CREB5: variants seen among roughly 807,000 people sequenced by gnomAD.
CREB5 encodes cyclic AMP-responsive element-binding protein 5.
Under a neutral mutation model 57.1 loss-of-function variants are expected in CREB5, and 19 were observed. The ratio of observed to expected loss-of-function variants is 0.33; its 90% confidence interval spans 0.23 to 0.49. The LOEUF is 0.49. CREB5 is among the 20% of genes least tolerant of loss of function. The pLI is 0.99. For missense variants in CREB5, 579 were observed against 671.6 expected, an observed-to-expected ratio of 0.86 and a Z score of 1.52; for synonymous variants, 238 against 238.3, an observed-to-expected ratio of 1.00 and a Z score of 0.01.
chr7:28,724,628 C>T lies in CREB5; in HGVS notation c.702+296C>T, dbSNP rs1033683688. On this transcript the variant is annotated intron_variant, in intron 7 of 10. Transcript: ENST00000357727. ...ATACCCAAGCGTGTATATATTTGCT[C>T]AGCATGTGAAATAATAAAAATAATA... The T allele has an allele frequency of 3.2e-4, 82 of 255,650 alleles. 2 individuals carry two copies. Among genetic ancestry groups the T allele is most frequent in the Non-Finnish European group, 9.0e-5 (12 of 133,098 alleles). The allele number at this position is 255,650 out of a possible 1,614,324, so 15.8% of individuals were successfully genotyped here. A position where few individuals can be genotyped will look rare whatever the true frequency, so the allele number is the denominator to read the frequency against.
chr7:28,584,325 C>G lies in CREB5; in HGVS notation c.464+13788C>G, dbSNP rs1299219120. ...GTGTTGAAGTCCTAACCCCTGGCCCCTGCGGATGGGACCTGATTTGGAAAT... is the reference window on the plus strand; with the variant it reads ...GTGTTGAAGTCCTAACCCCTGGCCCGTGCGGATGGGACCTGATTTGGAAAT... On this transcript the variant is annotated intron_variant, in intron 5 of 10. Coordinates refer to ENST00000357727, the MANE Select transcript of CREB5 (RefSeq NM_182898.4). Among the ~76,000 whole-genome samples the G allele has an allele frequency of 2.0e-5, 3 of 152,176 alleles. No homozygotes were observed. In the East Asian group the frequency reaches 5.8e-4, roughly 29 times the overall value.
intron 9 of CREB5, among the ~76,000 whole-genome samples, chr7:28,810,340 A>C (rs1425120184): frequency 3.9e-5 from 6 of 152,152 alleles, no homozygotes; most frequent in Non-Finnish European, 8.8e-5. Context: ...ATGGCCAAAG[A>C]GAGTGGGGCA....
intron 1 of CREB5, among the ~76,000 whole-genome samples, chr7:28,442,419 C>T (rs540069733): frequency 6.6e-6 from 1 of 152,094 alleles, no homozygotes; most frequent in Non-Finnish European, 1.5e-5. Flanking sequence ...GCAGGTGTCC[C>T]TTTGGTATAC....
At chr7:28,732,129 C>T (rs536485424) in intron 7 of CREB5, among the ~76,000 whole-genome samples, 1 of 152,116 alleles carries the variant, frequency 6.6e-6, no homozygotes, top group South Asian at 2.1e-4. Flanking sequence ...CTTTCCATTC[C>T]ATCTTTTCTC....
Position 28,822,095 on chromosome 7 carries a change from TC to T in CREB5, c.*2817del, listed in dbSNP as rs1433299286. On this transcript the variant is annotated 3_prime_UTR_variant, in exon 11 of 11. Transcript: ENST00000357727. ...GTGCATTATATATAGCTCAATTATG[TC>T]TGTTTTTTATGCTAAGTAGGAAAAC... The T allele has an allele frequency of 2.0e-5, 3 of 152,312 alleles. No individual in the cohort carries two copies. Among genetic ancestry groups the T allele is most frequent in the Non-Finnish European group, 4.4e-5 (3 of 68,036 alleles). The allele number at this position is 152,312 out of a possible 1,614,324, so 9.4% of individuals were successfully genotyped here. A position where few individuals can be genotyped will look rare whatever the true frequency, so the allele number is the denominator to read the frequency against.
chr7:28,406,769 G>A (rs1360091459), intron 1 of CREB5, among the ~76,000 whole-genome samples: 1 of 152,224 alleles, frequency 6.6e-6, no homozygotes, highest in Non-Finnish European at 1.5e-5. Flanking sequence ...GAGTGAGCAT[G>A]AGGCAGAAAT....
At chr7:28,383,772 G>C (rs761976764) in intron 1 of CREB5, among the ~76,000 whole-genome samples, 1 of 152,146 alleles carries the variant, frequency 6.6e-6, no homozygotes, top group Non-Finnish European at 1.5e-5. Flanking sequence ...CATGCGATTT[G>C]GGTGGGGACA....
chr7:28,602,183 C>T (rs1426576333), intron 5 of CREB5, among the ~76,000 whole-genome samples: 1 of 152,024 alleles, frequency 6.6e-6, no homozygotes, highest in Non-Finnish European at 1.5e-5. Context: ...CTGGAGTGCA[C>T]TGGTGCGATC....
At chr7:28,682,135 T>C (rs1001941368) in intron 5 of CREB5, among the ~76,000 whole-genome samples, 2 of 151,930 alleles carry the variant, frequency 1.3e-5, no homozygotes, top group African/African-American at 4.8e-5. Context: ...AGTGCCAGGG[T>C]TGGGGTATAG....
chr7:28,750,540 A>G (rs1487306920), intron 7 of CREB5, among the ~76,000 whole-genome samples: 3 of 152,192 alleles, frequency 2.0e-5, no homozygotes, highest in East Asian at 3.8e-4. Context: ...AACCTCTACT[A>G]TAGATATGTG....
At chr7:28,749,038 C>T (rs1485789390) in intron 7 of CREB5, among the ~76,000 whole-genome samples, 2 of 152,198 alleles carry the variant, frequency 1.3e-5, no homozygotes, top group Admixed American at 6.5e-5. Context: ...CCTACTAAAA[C>T]TGCCTTGAGC....
intron 7 of CREB5, among the ~76,000 whole-genome samples, chr7:28,776,811 C>T (rs115453878): frequency 6.6e-6 from 1 of 152,242 alleles, no homozygotes; most frequent in African/African-American, 2.4e-5. Context: ...CTTTTGTGGC[C>T]ACCTTGTTTG....
At chr7:28,419,901 C>T (rs1788174118) in intron 1 of CREB5, among the ~76,000 whole-genome samples, 1 of 152,182 alleles carries the variant, frequency 6.6e-6, no homozygotes, top group Admixed American at 6.5e-5. Context: ...GACTAACAAC[C>T]ACCATTCTCA....
chr7:28,327,200 A>G (rs1785625849), intron 1 of CREB5, among the ~76,000 whole-genome samples: 1 of 151,608 alleles, frequency 6.6e-6, no homozygotes, highest in African/African-American at 2.4e-5. Context: ...TTATCTGAAT[A>G]TGATTCTGGA....
chr7:28,757,921 AT>A (rs1372779274), intron 7 of CREB5, among the ~76,000 whole-genome samples: 1 of 152,086 alleles, frequency 6.6e-6, no homozygotes, highest in Non-Finnish European at 1.5e-5. Context: ...ATGTTGGGCC[AT>A]TTTGGATTTT....
intron 1 of CREB5, among the ~76,000 whole-genome samples, chr7:28,441,872 T>C (rs114268805): frequency 0.013 from 2,052 of 152,328 alleles, 30 homozygotes; most frequent in East Asian, 0.06. Flanking sequence ...TGATATTTTG[T>C]ATCACATGTA....
chr7:28,760,994 A>G (rs1385607600), intron 7 of CREB5, among the ~76,000 whole-genome samples: 1 of 152,212 alleles, frequency 6.6e-6, no homozygotes, highest in Non-Finnish European at 1.5e-5. Context: ...TAGCACATAT[A>G]GGAGGCTCAT....
intron 7 of CREB5, among the ~76,000 whole-genome samples, chr7:28,797,733 C>T (rs998896432): frequency 3.3e-5 from 5 of 152,126 alleles, no homozygotes; most frequent in African/African-American, 1.2e-4. Flanking sequence ...TCTAAGCTGG[C>T]CATTTACAGT....
At chr7:28,497,434 A>G (rs1043982805) in intron 3 of CREB5, among the ~76,000 whole-genome samples, 1 of 152,204 alleles carries the variant, frequency 6.6e-6, no homozygotes, top group Non-Finnish European at 1.5e-5. Context: ...TCTAATTTTT[A>G]TTATGTCAAA....
Sources: allele counts gnomAD v4.1 joint callset (sites outside exome capture counted in the v4.1 genomes callset), GRCh38; gene constraint gnomAD v4.1.1; transcripts MANE v1.5; gene names NCBI Gene and HGNC (gene_info 2026-07-23, HGNC 2026-07-21).